Variants in UGT2A1 observed in about 807,000 individuals in gnomAD.
The protein encoded by UGT2A1 is UDP glucuronosyltransferase family 2 member A1 complex locus, also known as UDP-glucuronosyltransferase 2A1.
A neutral mutation model predicts 45.4 loss-of-function variants in UGT2A1; 61 were observed. The observed-to-expected ratio is 1.34, with a 90% CI of 1.09 to 1.66. The LOEUF (loss-of-function observed/expected upper bound fraction) is 1.66. UGT2A1 is among the 40% of genes most tolerant of loss of function. The probability of loss-of-function intolerance (pLI) is 0.00; values close to 1 mark genes in which losing one functional copy is unlikely to be tolerated. For missense variants in UGT2A1, 649 were observed against 574.3 expected, an observed-to-expected ratio of 1.13 and a Z score of -1.33; for synonymous variants, 229 against 196.2, an observed-to-expected ratio of 1.17 and a Z score of -1.40.
At position 69,594,711 on chromosome 4, in the gene UGT2A1, G is replaced by A. The variant is rs1257981705; in HGVS notation, c.1085-15C>T. The A allele has an allele frequency of 6.2e-7, 1 of 1,608,252 alleles. No individual in the cohort carries two copies. Among genetic ancestry groups the A allele is most frequent in the Non-Finnish European group, 8.5e-7 (1 of 1,176,694 alleles). On this transcript the variant is annotated splice_polypyrimidine_tract_variant and intron_variant, in intron 5 of 6. Coordinates refer to ENST00000286604, the MANE Select transcript of UGT2A1 (RefSeq NM_001252275.3). ...TTTGGGATGTCCTAATTTGAGGATGGAGTGAGAAGTGGGTGTGTAATAATA... is the reference window on the plus strand; with the variant it reads ...TTTGGGATGTCCTAATTTGAGGATGAAGTGAGAAGTGGGTGTGTAATAATA...
rs955374824 is a variant in UGT2A1, at chr4:69,635,752, G to C, written c.786C>G (p.Pro262=). ...TGAGGCGGGAGAATCGCTTGAACCC[G>C]GGAAGCAGAGGTTGCAGTGAGCCAA... The part of the protein sequence containing the change: ...ADLGSLQPLL[P]GFKRFSRLSL... Residue 262 remains proline, a synonymous_variant, in exon 3 of 7, where the codon CCC becomes CCG. Transcript: ENST00000286604. 9.0e-6 allele frequency: 2 copies of C among 221,486 alleles called. No homozygotes were observed. The highest frequency in any genetic ancestry group is 1.9e-5 in the Non-Finnish European group (2 of 106,504). The allele number at this position is 221,486 out of a possible 1,614,324, so 13.7% of individuals were successfully genotyped here. A position where few individuals can be genotyped will look rare whatever the true frequency, so the allele number is the denominator to read the frequency against.
intron 6 of UGT2A1, among the ~76,000 whole-genome samples, chr4:69,591,880 A>G (rs1718614074): frequency 6.6e-6 from 1 of 152,114 alleles, no homozygotes; most frequent in African/African-American, 2.4e-5. Context: ...ATTAAAGTCA[A>G]AAAAAGATCA....
chr4:69,591,392 T>A (rs145710770), intron 6 of UGT2A1, among the ~76,000 whole-genome samples: 4 of 152,300 alleles, frequency 2.6e-5, no homozygotes, highest in African/African-American at 9.6e-5. Context: ...AAACATATTC[T>A]GGTTGACAAT....
chr4:69,622,662 G>C (rs113252753), intron 3 of UGT2A1, among the ~76,000 whole-genome samples: 5,204 of 151,634 alleles, frequency 0.034, 288 homozygotes, highest in African/African-American at 0.12. Context: ...AGGTGAGGGG[G>C]GCATGCATTG....
chr4:69,599,723 TGGAGAAAA>T (rs1719156365), intron 3 of UGT2A1: 1 of 178,006 alleles, frequency 5.6e-6, no homozygotes, highest in Non-Finnish European at 1.1e-5. Flanking sequence ...GAGAGAGAGA[TGGAGAAAA>T]GGAGAAAGGG....
At chr4:69,650,705 A>C (rs1396912676) in intron 1 of UGT2A1, among the ~76,000 whole-genome samples, 1 of 152,140 alleles carries the variant, frequency 6.6e-6, no homozygotes, top group Admixed American at 6.6e-5. Flanking sequence ...TACCTGGAGT[A>C]AAAGTGACGT....
intron 3 of UGT2A1, among the ~76,000 whole-genome samples, chr4:69,622,423 T>C (rs1166179984): frequency 6.6e-6 from 1 of 151,658 alleles, no homozygotes; most frequent in East Asian, 1.9e-4. Flanking sequence ...CTGAAACAAT[T>C]CTTAACTACA....
chr4:69,646,147 G>A (rs1722250029), intron 2 of UGT2A1, among the ~76,000 whole-genome samples: 2 of 151,586 alleles, frequency 1.3e-5, no homozygotes, highest in South Asian at 4.2e-4. Flanking sequence ...TGAATCCATG[G>A]ACTTTATTTT....
intron 3 of UGT2A1, among the ~76,000 whole-genome samples, chr4:69,631,609 T>C (rs1430160459): frequency 6.6e-6 from 1 of 152,182 alleles, no homozygotes; most frequent in African/African-American, 2.4e-5. Flanking sequence ...ATAACTTCAA[T>C]GTAGTCAGAT....
intron 3 of UGT2A1, among the ~76,000 whole-genome samples, chr4:69,623,977 A>C (rs1019721675): frequency 6.6e-6 from 1 of 151,684 alleles, no homozygotes; most frequent in Non-Finnish European, 1.5e-5. Flanking sequence ...AAATGTAACA[A>C]AAACATGTAA....
intron 6 of UGT2A1, among the ~76,000 whole-genome samples, chr4:69,590,018 A>C (rs1175473976): frequency 6.6e-6 from 1 of 152,234 alleles, no homozygotes; most frequent in Non-Finnish European, 1.5e-5. Flanking sequence ...AAAATCATTT[A>C]AGACATACAT....
intron 2 of UGT2A1, among the ~76,000 whole-genome samples, chr4:69,637,201 A>G (rs559116530): frequency 6.6e-6 from 1 of 152,292 alleles, no homozygotes; most frequent in East Asian, 1.9e-4. Flanking sequence ...AAGGAATTTT[A>G]AAAATACAGA....
intron 3 of UGT2A1, among the ~76,000 whole-genome samples, chr4:69,632,646 T>G (rs1430024564): frequency 2.0e-5 from 3 of 151,942 alleles, no homozygotes; most frequent in Non-Finnish European, 4.4e-5. Flanking sequence ...TCCCAGCACT[T>G]TGGGAGGCAG....
intron 3 of UGT2A1, among the ~76,000 whole-genome samples, chr4:69,628,600 T>C (rs910867351): frequency 6.6e-6 from 1 of 151,304 alleles, no homozygotes; most frequent in Non-Finnish European, 1.5e-5. Context: ...TCAAATTTGA[T>C]GAAAAAAATT....
intron 3 of UGT2A1, among the ~76,000 whole-genome samples, chr4:69,633,052 G>A (rs1721474358): frequency 6.6e-6 from 1 of 152,014 alleles, no homozygotes; most frequent in East Asian, 1.9e-4. Flanking sequence ...GTCCACCAAA[G>A]AAAACTAAAA....
intron 3 of UGT2A1, among the ~76,000 whole-genome samples, chr4:69,615,511 T>C (rs1720326017): frequency 6.6e-6 from 1 of 151,844 alleles, no homozygotes; most frequent in African/African-American, 2.4e-5. Context: ...TATCAGCAGC[T>C]CAAACAATTC....
chr4:69,652,091 C>A (rs982783013), intron 1 of UGT2A1, among the ~76,000 whole-genome samples: 1 of 152,040 alleles, frequency 6.6e-6, no homozygotes, highest in Non-Finnish European at 1.5e-5. Context: ...GCCTGATGCC[C>A]CCCAGTCAAA....
chr4:69,593,502 A>T (rs1379455058), intron 6 of UGT2A1, among the ~76,000 whole-genome samples: 1 of 151,420 alleles, frequency 6.6e-6, no homozygotes, highest in Non-Finnish European at 1.5e-5. Context: ...CTTTCAGAGA[A>T]AAAAATAAGA....
chr4:69,637,172 A>G (rs1721758544), intron 2 of UGT2A1, among the ~76,000 whole-genome samples: 2 of 152,170 alleles, frequency 1.3e-5, no homozygotes, highest in South Asian at 2.1e-4. Context: ...AAAAGAAACT[A>G]CGGTTAAATT....
Sources: gnomAD v4.1 joint callset for allele counts (sites outside exome capture counted in the v4.1 genomes callset) on GRCh38, gnomAD v4.1.1 for gene constraint, MANE v1.5 for transcripts, NCBI Gene and HGNC (gene_info 2026-07-23, HGNC 2026-07-21) for gene names.